The following BPNT1 variants were observed in gnomAD, a reference collection of about 807,000 sequenced individuals.
BPNT1 encodes 3'(2'),5'-bisphosphate nucleotidase 1.
In BPNT1, 28 loss-of-function variants were observed where a neutral mutation model predicts 36.9. The observed-to-expected ratio is 0.76, with a 90% confidence interval of 0.56 to 1.04. BPNT1 has a LOEUF of 1.04. Ranked by LOEUF, BPNT1 falls within the 50% of genes least tolerant of loss-of-function variation. BPNT1 has a pLI of 0.00. For synonymous variants in BPNT1, 119 were observed against 130.9 expected, an observed-to-expected ratio of 0.91 and a Z score of 0.62; for missense variants, 313 against 372.9, an observed-to-expected ratio of 0.84 and a Z score of 1.32.
At chr1:220,088,501 A>AG (rs1655963249) in intron 1 of BPNT1, among the ~76,000 whole-genome samples, 1 of 145,362 alleles carries the variant, frequency 6.9e-6, no homozygotes, top group East Asian at 2.0e-4. Context: ...AAAAAAAAAA[A>AG]TTGTCGCTGA....
chr1:220,078,511 TAATTA>T (rs1664798192), intron 2 of BPNT1, among the ~76,000 whole-genome samples: 1 of 140,396 alleles, frequency 7.1e-6, no homozygotes, highest in Non-Finnish European at 1.5e-5. Flanking sequence ...TTATATAATA[TAATTA>T]TATATAATTA....
Position 220,062,928 on chromosome 1 carries a change from C to T in BPNT1, c.501G>A (p.Arg167=). 4 of 1,614,154 alleles carry T rather than the reference C, an allele frequency of 2.5e-6. No homozygotes were observed. The highest frequency in any genetic ancestry group is 1.1e-5 in the South Asian group (1 of 91,078). The change falls in exon 7 of 9, where the codon AGG becomes AGA. Residue 167 remains arginine, a synonymous_variant. Coordinates refer to ENST00000322067, the MANE Select transcript of BPNT1 (RefSeq NM_006085.6). Reference sequence around the variant, plus strand: ...CTAAACCTAAAACTCCCCAGATTGTCCTCCCCAACACAGCATCTGGTCCTG... The same window carrying T: ...CTAAACCTAAAACTCCCCAGATTGTTCTCCCCAACACAGCATCTGGTCCTG... The part of the protein sequence containing the change: ...YEAGPDAVLG[R]TIWGVLGLGA...
At chr1:220,085,197 T>C (rs1309496216) in intron 1 of BPNT1, among the ~76,000 whole-genome samples, 1 of 152,208 alleles carries the variant, frequency 6.6e-6, no homozygotes, top group Admixed American at 6.5e-5. Flanking sequence ...CTTTTGATGA[T>C]ACAGGTAGAT....
intron 6 of BPNT1, 34 bp downstream of exon 6, chr1:220,067,268 T>C: frequency 7.3e-7 from 1 of 1,375,448 alleles, no homozygotes; most frequent in Middle Eastern, 2.3e-4. Flanking sequence ...ATTATTTATC[T>C]AATGAAATTA....
At chr1:220,067,761 T>C (rs1464829530) in intron 5 of BPNT1, among the ~76,000 whole-genome samples, 2 of 152,228 alleles carry the variant, frequency 1.3e-5, no homozygotes, top group African/African-American at 4.8e-5. Context: ...AGACTTGTAT[T>C]TCAAGCCTTT....
intron 3 of BPNT1, 46 bp from the exon 4 acceptor site, chr1:220,073,003 TAC>T (rs1664210680): frequency 7.0e-7 from 1 of 1,431,774 alleles, no homozygotes; most frequent in Non-Finnish European, 9.8e-7. Flanking sequence ...GTTTAGTGTT[TAC>T]AGAGTATGCT....
intron 4 of BPNT1, among the ~76,000 whole-genome samples, chr1:220,070,379 T>G (rs1663951555): frequency 6.6e-6 from 1 of 152,088 alleles, no homozygotes; most frequent in Non-Finnish European, 1.5e-5. Context: ...AGAGTCTCAC[T>G]CTGTCACCCA....
chr1:220,065,284 A>G (rs2102651929), intron 6 of BPNT1, among the ~76,000 whole-genome samples: 1 of 152,316 alleles, frequency 6.6e-6, no homozygotes, highest in South Asian at 2.1e-4. Context: ...ATGCAATCCC[A>G]TGATGCAGCT....
At position 220,058,227 on chromosome 1, in the gene BPNT1, T is replaced by C. The variant is rs1034670118; in HGVS notation, c.*617A>G. 1 of 993,896 alleles carries C rather than the reference T, an allele frequency of 1.0e-6. No homozygotes were observed. Among genetic ancestry groups the C allele is most frequent in the Non-Finnish European group, 1.2e-6 (1 of 834,298 alleles). 61.6% of individuals were successfully genotyped at this position (993,896 alleles called of 1,614,324 possible). A position where few individuals can be genotyped will look rare whatever the true frequency, so the allele number is the denominator to read the frequency against. ...AGAAGATAGGAATGTTCATTGAACA[T>C]TGACCTGAACTGTCAATTGGAACTA... On this transcript the variant is annotated 3_prime_UTR_variant, in exon 9 of 9. Transcript: ENST00000322067.
chr1:220,066,086 C>T (rs1437298748), intron 6 of BPNT1: 2 of 1,523,838 alleles, frequency 1.3e-6, no homozygotes, highest in East Asian at 2.5e-5. Flanking sequence ...TGCTTCATTC[C>T]TGTGTTCCCT....
intron 8 of BPNT1, 79 bp from the exon 9 acceptor site, chr1:220,059,071 T>C: frequency 1.4e-6 from 2 of 1,469,200 alleles, no homozygotes; most frequent in Non-Finnish European, 1.9e-6. Flanking sequence ...TAAGTGCCTT[T>C]TGCTTCCTTA....
rs533602378 is a variant in BPNT1, at chr1:220,082,451, G to GATTA, written c.-8-2601_-8-2598dup. On this transcript the variant is annotated intron_variant, in intron 1 of 8. Transcript: ENST00000322067. ...CCACCTTGGCCTCCCAAAGTGCTGG[G>GATTA]ATTACATGCCTGAGCCACCACGCTC... 1.6e-4 allele frequency among the ~76,000 whole-genome samples: 25 copies of GATTA among 151,722 alleles called. 1 individual carries two copies. The East Asian group carries it at 4.9e-3, about 30-fold the overall frequency.
In BPNT1 at chr1:220,057,726, G is replaced by T. The variant is rs972674731; in HGVS notation, c.*1118C>A. Reference sequence around the variant, plus strand: ...TTAAAAAGCTGGTGAATAACAAAGAGCTAGGATTAAATAATTTATTTAAAA... The same window carrying T: ...TTAAAAAGCTGGTGAATAACAAAGATCTAGGATTAAATAATTTATTTAAAA... On this transcript the variant is annotated 3_prime_UTR_variant, in exon 9 of 9. Coordinates refer to ENST00000322067, the MANE Select transcript of BPNT1 (RefSeq NM_006085.6). 2 of 561,298 alleles carry T rather than the reference G, an allele frequency of 3.6e-6. No homozygotes were observed. The highest frequency in any genetic ancestry group is 2.0e-5 in the African/African-American group (1 of 49,996). The allele number at this position is 561,298 out of a possible 1,614,324, so 34.8% of individuals were successfully genotyped here. A position where few individuals can be genotyped will look rare whatever the true frequency, so the allele number is the denominator to read the frequency against.
chr1:220,076,012 TTTTG>T (rs1475767414), intron 2 of BPNT1, among the ~76,000 whole-genome samples: 3 of 152,144 alleles, frequency 2.0e-5, no homozygotes, highest in Non-Finnish European at 4.4e-5. Context: ...GATGGATGAT[TTTTG>T]TTTATTTTGG....
intron 6 of BPNT1, among the ~76,000 whole-genome samples, chr1:220,064,806 T>TTTTCTA (rs1221089382): frequency 1.3e-5 from 2 of 152,118 alleles, no homozygotes; most frequent in Admixed American, 6.6e-5. Flanking sequence ...AGCTATTTAT[T>TTTTCTA]TTTTTATTTT....
At position 220,068,466 on chromosome 1, in the gene BPNT1, G is replaced by A. The variant is rs527928565; in HGVS notation, c.382+918C>T. Among the ~76,000 whole-genome samples, 37 of 150,898 alleles carry A rather than the reference G, an allele frequency of 2.5e-4. 1 individual carries two copies. The South Asian group carries it at 7.8e-3, about 32-fold the overall frequency. On this transcript the variant is annotated intron_variant, in intron 5 of 8. Coordinates refer to ENST00000322067, the MANE Select transcript of BPNT1 (RefSeq NM_006085.6). ...CAAAGTGCTGGGATTACAGGCATAA[G>A]CCACCACGCCTGGCCTAGATCTTAA...
At chr1:220,075,090 C>A (rs1342732420) in intron 2 of BPNT1, among the ~76,000 whole-genome samples, 1 of 152,214 alleles carries the variant, frequency 6.6e-6, no homozygotes, top group Non-Finnish European at 1.5e-5. Flanking sequence ...GTCGCCTAGG[C>A]TGGAGTGCAG....
intron 1 of BPNT1, among the ~76,000 whole-genome samples, chr1:220,080,355 T>C (rs1315377673): frequency 1.3e-5 from 2 of 152,126 alleles, no homozygotes; most frequent in Non-Finnish European, 2.9e-5. Flanking sequence ...AGGGAGGGTG[T>C]ATTAGTCCAT....
Position 220,058,339 on chromosome 1 carries a change from T to C in BPNT1, c.*505A>G, listed in dbSNP as rs140290266. 989 of 987,188 alleles carry C rather than the reference T, an allele frequency of 1.0e-3. 8 individuals are homozygous for C. The African/African-American group carries it at 0.016, about 16-fold the overall frequency. 61.2% of individuals were successfully genotyped at this position (987,188 alleles called of 1,614,324 possible). A position where few individuals can be genotyped will look rare whatever the true frequency, so the allele number is the denominator to read the frequency against. On this transcript the variant is annotated 3_prime_UTR_variant, in exon 9 of 9. Coordinates refer to ENST00000322067, the MANE Select transcript of BPNT1 (RefSeq NM_006085.6). ...AGTTCTCCAGACGTCAAAATTGGTCTGGTTGATTAATCAAGTTAAATTATT... is the reference window on the plus strand; with the variant it reads ...AGTTCTCCAGACGTCAAAATTGGTCCGGTTGATTAATCAAGTTAAATTATT...
Sources: gnomAD v4.1 joint callset for allele counts (sites outside exome capture counted in the v4.1 genomes callset) on GRCh38, gnomAD v4.1.1 for gene constraint, MANE v1.5 for transcripts, NCBI Gene and HGNC (gene_info 2026-07-23, HGNC 2026-07-21) for gene names.